Variants in MRPS28 observed in about 807,000 individuals in gnomAD.
MRPS28 encodes small ribosomal subunit protein bS1m.
In MRPS28, 7 loss-of-function variants were observed where a neutral mutation model predicts 10.8. The ratio of observed to expected loss-of-function variants is 0.65; its 90% CI spans 0.37 to 1.22. The LOEUF is 1.22. MRPS28 is among the 50% of genes most tolerant of loss of function. The pLI is 0.02. For synonymous variants in MRPS28, 121 were observed against 93.3 expected, an observed-to-expected ratio of 1.30 and a Z score of -1.71; for missense variants, 265 against 232.9, an observed-to-expected ratio of 1.14 and a Z score of -0.90.
chr8:80,016,212 C>A (rs571872177), intron 1 of MRPS28, among the ~76,000 whole-genome samples: 3 of 151,970 alleles, frequency 2.0e-5, no homozygotes, highest in Non-Finnish European at 2.9e-5. Flanking sequence ...AGAATAAACA[C>A]CAAAAACACT....
At chr8:80,029,337 T>C (rs1563547360) in intron 1 of MRPS28, among the ~76,000 whole-genome samples, 1 of 152,192 alleles carries the variant, frequency 6.6e-6, no homozygotes, top group African/African-American at 2.4e-5. Context: ...AATACAGAAA[T>C]TGAGAGTTTA....
rs1586108578 is a variant in MRPS28, at chr8:80,030,230, T to G, written c.19A>C (p.Thr7Pro). 6.2e-7 allele frequency: 1 copy of G among 1,613,598 alleles called. No homozygotes were observed. The highest frequency in any genetic ancestry group is 8.5e-7 in the Non-Finnish European group (1 of 1,179,980). Residue 7 changes from threonine (T) to proline (P), a missense_variant, in exon 1 of 3, where the codon ACC (threonine) becomes CCC (proline). By Grantham distance (38) the Thr-to-Pro change is conservative. Transcript: ENST00000276585. Reference sequence around the variant, plus strand: ...TGGCTCTCGGCAGCCACAGCACGGGTCCGACACAGCGCCGCCATGACTTCT... The same window carrying G: ...TGGCTCTCGGCAGCCACAGCACGGGGCCGACACAGCGCCGCCATGACTTCT... MAALCR[T>P]RAVAAESHFL...
intron 2 of MRPS28, among the ~76,000 whole-genome samples, chr8:79,923,176 CTT>C (rs1318262228): frequency 6.6e-6 from 1 of 152,042 alleles, no homozygotes; most frequent in Non-Finnish European, 1.5e-5. Context: ...TATTTTGTGT[CTT>C]TGTTTTAAAA....
chr8:80,012,271 T>C (rs1211444383), intron 1 of MRPS28, among the ~76,000 whole-genome samples: 1 of 152,208 alleles, frequency 6.6e-6, no homozygotes, highest in Admixed American at 6.5e-5. Flanking sequence ...TTTTTGATAT[T>C]GCATCATTGA....
intron 2 of MRPS28, among the ~76,000 whole-genome samples, chr8:79,995,944 T>G (rs1808490939): frequency 6.6e-6 from 1 of 152,148 alleles, no homozygotes; most frequent in Non-Finnish European, 1.5e-5. Flanking sequence ...AAAGGAGAGA[T>G]AACACAAAAC....
chr8:80,011,958 T>C (rs1461060334), intron 1 of MRPS28, among the ~76,000 whole-genome samples: 5 of 152,172 alleles, frequency 3.3e-5, no homozygotes, highest in African/African-American at 1.2e-4. Flanking sequence ...AGTGGTATTT[T>C]CCCCTTGGTT....
At chr8:80,013,491 G>A (rs866924163) in intron 1 of MRPS28, among the ~76,000 whole-genome samples, 4 of 151,588 alleles carry the variant, frequency 2.6e-5, no homozygotes, top group African/African-American at 4.8e-5. Flanking sequence ...AAAATTAGCC[G>A]GGTGAGGTGG....
chr8:79,951,156 T>G (rs962151804), intron 2 of MRPS28, among the ~76,000 whole-genome samples: 6 of 152,166 alleles, frequency 3.9e-5, no homozygotes, highest in African/African-American at 1.4e-4. Context: ...AAACTCTTAA[T>G]AATTTTATCC....
chr8:80,025,631 A>G (rs1192611294), intron 1 of MRPS28, among the ~76,000 whole-genome samples: 1 of 152,226 alleles, frequency 6.6e-6, no homozygotes, highest in Non-Finnish European at 1.5e-5. Flanking sequence ...ATACTTAGGT[A>G]AAAACTGCAA....
In MRPS28 at chr8:80,002,014, T is replaced by A. The variant is rs571731507; in HGVS notation, c.395+985A>T. ...CTCATATATCATTAATCTGAGGAAA[T>A]GTGTATTCTGTTAAGTTTGTCAGAC... On this transcript the variant is annotated intron_variant, in intron 2 of 2. Coordinates refer to ENST00000276585, the MANE Select transcript of MRPS28 (RefSeq NM_014018.3). Among the ~76,000 whole-genome samples the A allele has an allele frequency of 1.9e-4, 29 of 152,162 alleles. No individual in the cohort carries two copies. In the East Asian group the frequency reaches 3.7e-3, roughly 19 times the overall value.
chr8:79,959,793 T>C (rs1807327271), intron 2 of MRPS28, among the ~76,000 whole-genome samples: 1 of 152,154 alleles, frequency 6.6e-6, no homozygotes, highest in Non-Finnish European at 1.5e-5. Flanking sequence ...GTATACTTCA[T>C]AAAACCAGTA....
chr8:79,996,706 T>C (rs1808509698), intron 2 of MRPS28, among the ~76,000 whole-genome samples: 1 of 152,186 alleles, frequency 6.6e-6, no homozygotes, highest in Non-Finnish European at 1.5e-5. Flanking sequence ...TAACCAAAGA[T>C]ATAACAGACT....
intron 1 of MRPS28, among the ~76,000 whole-genome samples, chr8:80,026,913 AG>A (rs1809505626): frequency 6.6e-6 from 1 of 152,140 alleles, no homozygotes; most frequent in East Asian, 1.9e-4. Flanking sequence ...TCATTCATTA[AG>A]AAAAAAAATT....
intron 1 of MRPS28, among the ~76,000 whole-genome samples, chr8:80,016,454 A>C (rs1809197457): frequency 6.6e-6 from 1 of 152,074 alleles, no homozygotes; most frequent in African/African-American, 2.4e-5. Context: ...TACCCTGACA[A>C]GTTATCCTTC....
chr8:79,990,555 A>G (rs938779294), intron 2 of MRPS28, among the ~76,000 whole-genome samples: 5 of 152,172 alleles, frequency 3.3e-5, no homozygotes, highest in African/African-American at 1.2e-4. Context: ...CTATCTAGCA[A>G]AGCAAATATT....
intron 1 of MRPS28, among the ~76,000 whole-genome samples, chr8:80,026,407 T>G (rs1586105404): frequency 6.6e-6 from 1 of 152,266 alleles, no homozygotes; most frequent in East Asian, 1.9e-4. Context: ...TCAACTGACA[T>G]GCTCAAGACT....
chr8:79,947,599 G>A (rs925164422), intron 2 of MRPS28, among the ~76,000 whole-genome samples: 5 of 146,014 alleles, frequency 3.4e-5, no homozygotes, highest in Admixed American at 2.7e-4. Context: ...CAGCATAGAG[G>A]TCTTACATAT....
chr8:79,944,399 G>T (rs1464501191), intron 2 of MRPS28, among the ~76,000 whole-genome samples: 1 of 152,112 alleles, frequency 6.6e-6, no homozygotes, highest in African/African-American at 2.4e-5. Context: ...CTTTCCTCAG[G>T]TTACGAGAAC....
intron 2 of MRPS28, among the ~76,000 whole-genome samples, chr8:79,946,272 C>T (rs1249762337): frequency 2.6e-5 from 4 of 152,064 alleles, no homozygotes; most frequent in Non-Finnish European, 5.9e-5. Context: ...CTCATCTCAT[C>T]CTTCTAAAAA....
Sources: gnomAD v4.1 joint callset for allele counts (sites outside exome capture counted in the v4.1 genomes callset) on GRCh38, gnomAD v4.1.1 for gene constraint, MANE v1.5 for transcripts, NCBI Gene and HGNC (gene_info 2026-07-23, HGNC 2026-07-21) for gene names.